Variants in MBNL3 observed in about 807,000 individuals in gnomAD.
MBNL3 encodes the protein muscleblind like splicing regulator 3.
Under a neutral mutation model 24.5 loss-of-function variants are expected in MBNL3, and 6 were observed. The observed-to-expected ratio is 0.25, with a 90% CI of 0.13 to 0.48. The LOEUF (loss-of-function observed/expected upper bound fraction) is 0.48, where lower values mean the gene tolerates loss of function less well. MBNL3 is among the 20% of genes least tolerant of loss of function. The probability of loss-of-function intolerance (pLI) is 0.99; values close to 1 mark genes in which losing one functional copy is unlikely to be tolerated. For synonymous variants in MBNL3, 100 were observed against 101.7 expected (o/e 0.98, Z 0.10); for missense variants, 230 against 293.5 (o/e 0.78, Z 1.58).
intron 5 of MBNL3, among the ~76,000 whole-genome samples, chrX:132,388,810 A>G (rs1353213451): frequency 9.0e-6 from 1 of 110,981 alleles, no homozygotes; most frequent in Non-Finnish European, 1.9e-5. Context: ...CAAGGTAAAA[A>G]TGTCTCTTTT....
chrX:132,479,475 A>G (rs1947615213), intron 1 of MBNL3, among the ~76,000 whole-genome samples: 1 of 112,123 alleles, frequency 8.9e-6, no homozygotes, highest in African/African-American at 3.2e-5. Flanking sequence ...CATATTTTGA[A>G]ATATATATTT....
intron 2 of MBNL3, chrX:132,413,526 C>T (rs1239365213): frequency 1.7e-6 from 2 of 1,161,670 alleles, no homozygotes; most frequent in East Asian, 6.5e-5. Context: ...AGCCCAGGCT[C>T]TCCCAGGCCT....
chrX:132,395,361 A>G (rs1383918390), intron 3 of MBNL3, among the ~76,000 whole-genome samples: 1 of 111,834 alleles, frequency 8.9e-6, no homozygotes, highest in African/African-American at 3.2e-5. Context: ...GTTAATTTTT[A>G]TTGTAAAGGA....
intron 1 of MBNL3, among the ~76,000 whole-genome samples, chrX:132,477,599 G>C (rs1007244498): frequency 9.0e-6 from 1 of 111,252 alleles, no homozygotes; most frequent in Non-Finnish European, 1.9e-5. Context: ...AGATGCAATA[G>C]TACCCCCGGA....
chrX:132,476,690 T>TA (rs1179395938), intron 1 of MBNL3, among the ~76,000 whole-genome samples: 1 of 112,208 alleles, frequency 8.9e-6, no homozygotes, highest in African/African-American at 3.2e-5. Context: ...TGATGAAAGT[T>TA]AGAGTGCTGC....
chrX:132,416,216 A>G (rs181390784), intron 2 of MBNL3, among the ~76,000 whole-genome samples: 29 of 112,356 alleles, frequency 2.6e-4, no homozygotes, highest in Non-Finnish European at 4.5e-4. Flanking sequence ...ATATTATTCA[A>G]CCATAAAGAA....
intron 2 of MBNL3, among the ~76,000 whole-genome samples, chrX:132,436,011 T>A (rs1945096775): frequency 8.9e-6 from 1 of 112,274 alleles, no homozygotes; most frequent in South Asian, 3.7e-4. Context: ...ATCACAAAGA[T>A]TGATTTCGTT....
At chrX:132,424,436 G>T (rs1160821090) in intron 2 of MBNL3, among the ~76,000 whole-genome samples, 1 of 111,520 alleles carries the variant, frequency 9.0e-6, no homozygotes, top group East Asian at 2.8e-4. Flanking sequence ...TGGTGCTGTT[G>T]AAAATGAGGA....
chrX:132,426,708 C>G (rs781274226), intron 2 of MBNL3, among the ~76,000 whole-genome samples: 1 of 111,555 alleles, frequency 9.0e-6, no homozygotes, highest in African/African-American at 3.3e-5. Context: ...AATCCCAGTC[C>G]CTACCTGTGC....
At chrX:132,381,970 T>C (rs1262105010) in intron 8 of MBNL3, among the ~76,000 whole-genome samples, 1 of 112,010 alleles carries the variant, frequency 8.9e-6, no homozygotes, top group Admixed American at 9.5e-5. Flanking sequence ...TGGTAACCAA[T>C]TAAAAATGAG....
At chrX:132,476,444 G>A (rs1030465854) in intron 1 of MBNL3, among the ~76,000 whole-genome samples, 2 of 111,134 alleles carry the variant, frequency 1.8e-5, no homozygotes, top group South Asian at 3.8e-4. Context: ...TGAGGAATGC[G>A]GTATAAGGAG....
chrX:132,393,904 C>T (rs764558667), intron 3 of MBNL3, among the ~76,000 whole-genome samples: 2 of 111,513 alleles, frequency 1.8e-5, no homozygotes, highest in Non-Finnish European at 3.8e-5. Flanking sequence ...AATGTATACT[C>T]ATTGCCTCAC....
intron 2 of MBNL3, among the ~76,000 whole-genome samples, chrX:132,427,987 T>C (rs1379166859): frequency 9.0e-6 from 1 of 111,187 alleles, no homozygotes; most frequent in East Asian, 2.8e-4. Context: ...TATCTACTCA[T>C]AAGAATATAG....
intron 2 of MBNL3, among the ~76,000 whole-genome samples, chrX:132,435,488 A>G (rs994076485): frequency 2.7e-5 from 3 of 111,403 alleles, no homozygotes; most frequent in Non-Finnish European, 5.7e-5. Context: ...AATAGGGATG[A>G]GTAAGTATTC....
chrX:132,449,719 G>A (rs1189836771), intron 1 of MBNL3, among the ~76,000 whole-genome samples: 11 of 109,653 alleles, frequency 1.0e-4, no homozygotes, highest in African/African-American at 3.0e-4. Context: ...TATTTTGCCC[G>A]TTAGTTGATG....
intron 3 of MBNL3, among the ~76,000 whole-genome samples, chrX:132,403,578 A>T (rs1941304811): frequency 1.8e-5 from 2 of 112,148 alleles, no homozygotes; most frequent in African/African-American, 3.2e-5. Context: ...ATCAAATTAG[A>T]AAGCACAAGT....
intron 2 of MBNL3, among the ~76,000 whole-genome samples, chrX:132,438,877 T>C (rs1945256760): frequency 9.3e-6 from 1 of 108,081 alleles, no homozygotes. Flanking sequence ...TAGCAATACG[T>C]TTAAGTTAAA....
intron 1 of MBNL3, among the ~76,000 whole-genome samples, chrX:132,455,063 A>G (rs1030712638): frequency 2.7e-5 from 3 of 112,372 alleles, no homozygotes; most frequent in African/African-American, 9.7e-5. Context: ...CCAAGTAGTC[A>G]ATGTCCTTGT....
chrX:132,461,135 AAAATG>A (rs1366639030), intron 1 of MBNL3, among the ~76,000 whole-genome samples: 4 of 112,131 alleles, frequency 3.6e-5, no homozygotes, highest in Non-Finnish European at 7.5e-5. Flanking sequence ...AAATACTTAC[AAAATG>A]ATAAATTCTG....
Sources: allele counts gnomAD v4.1 joint callset (sites outside exome capture counted in the v4.1 genomes callset), GRCh38; gene constraint gnomAD v4.1.1; transcripts MANE v1.5; gene names NCBI Gene and HGNC (gene_info 2026-07-23, HGNC 2026-07-21).